The following SAGE1 variants were observed in gnomAD, a reference collection of about 807,000 sequenced individuals.
SAGE1 encodes cancer/testis antigen 14.
In SAGE1, 55 loss-of-function variants were observed where a neutral mutation model predicts 55.4. That is an observed-to-expected ratio of 0.99 (90% CI 0.80 to 1.24). The LOEUF (loss-of-function observed/expected upper bound fraction) is 1.24, where lower values mean the gene tolerates loss of function less well. Among genes scored for constraint, SAGE1 ranks in the 50% most tolerant of loss-of-function variants. SAGE1 has a pLI of 0.00. For synonymous variants in SAGE1, 240 were observed against 244.3 expected, an observed-to-expected ratio of 0.98 and a Z score of 0.17; for missense variants, 710 against 704.4, an observed-to-expected ratio of 1.01 and a Z score of -0.09.
At chrX:135,898,209 CG>C (rs781884173) in intron 2 of SAGE1, among the ~76,000 whole-genome samples, 18 of 110,279 alleles carry the variant, frequency 1.6e-4, no homozygotes, top group Admixed American at 6.8e-4. Context: ...TTAGTAGAGA[CG>C]GGGTTTCACC....
At chrX:135,905,728 G>A (rs1301468638) in intron 5 of SAGE1, among the ~76,000 whole-genome samples, 1 of 111,816 alleles carries the variant, frequency 8.9e-6, no homozygotes, top group Non-Finnish European at 1.9e-5. Context: ...TATTACAGCG[G>A]GGCTTATGAA....
rs2088583730 is a variant in SAGE1, at chrX:135,896,331, T to C, written c.87+2T>C. The C allele has an allele frequency of 8.7e-7, 1 of 1,153,566 alleles. No individual in the cohort carries two copies. Among genetic ancestry groups the C allele is most frequent in the African/African-American group, 1.8e-5 (1 of 56,281 alleles). ...TATGTGTTTACAAATGATGGGCAGG[T>C]AAGATAACTCTTTCTATTTCTGCCC... is the stretch of plus-strand genomic sequence containing the variant. On this transcript the variant is annotated splice_donor_variant, in intron 2 of 19. Transcript: ENST00000370709. LOFTEE classifies it high-confidence loss of function.
chrX:135,898,265 C>T (rs782055362), intron 2 of SAGE1, among the ~76,000 whole-genome samples: 5 of 111,100 alleles, frequency 4.5e-5, no homozygotes, highest in South Asian at 3.8e-4. Context: ...GTGATCCGCC[C>T]GCCTTGGCCT....
chrX:135,908,404 C>A, intron 11 of SAGE1, 73 bp from the exon 12 acceptor site: 1 of 1,102,983 alleles, frequency 9.1e-7, no homozygotes, highest in Non-Finnish European at 1.2e-6. Context: ...AACTGAGCAT[C>A]AGAGGGATAT....
intron 16 of SAGE1, among the ~76,000 whole-genome samples, 199 bp from the exon 17 acceptor site, chrX:135,910,993 T>G (rs1335203553): frequency 8.9e-6 from 1 of 112,186 alleles, no homozygotes; most frequent in African/African-American, 3.2e-5. Flanking sequence ...TCCATATGCA[T>G]GCATAGTGTC....
chrX:135,901,271 G>A (rs782807601), intron 2 of SAGE1, among the ~76,000 whole-genome samples: 5 of 110,349 alleles, frequency 4.5e-5, no homozygotes, highest in Non-Finnish European at 9.5e-5. Flanking sequence ...TATACCTTTG[G>A]ATGATGAAAG....
rs1210823244 is a variant in SAGE1, at chrX:135,911,794, AC to A, written c.2364del (p.Asn790ThrfsTer13). The A allele has an allele frequency of 1.7e-6, 2 of 1,208,894 alleles. No homozygotes were observed. Among genetic ancestry groups the A allele is most frequent in the Non-Finnish European group, 2.2e-6 (2 of 893,924 alleles). On this transcript the variant is annotated frameshift_variant, in exon 18 of 20. Transcript: ENST00000370709. LOFTEE classifies it high-confidence loss of function. The part of the protein sequence containing the change: ...KPDSNEFAVG[T>X]KNYSVSAGDP... ...TGATAGTAATGAATTTGCGGTAGGC[AC>A]CAAAAACTACAGTGTCTCTGCAGGT...
rs2088681585 is a variant in SAGE1, at chrX:135,901,633, G to A, written c.162G>A (p.Lys54=). 2 of 1,209,034 alleles carry A rather than the reference G, an allele frequency of 1.7e-6. No individual in the cohort carries two copies. The highest frequency in any genetic ancestry group is 2.2e-6 in the Non-Finnish European group (2 of 893,221). ...QSKKKHSRKS[K]RHSSSKRRKS... ...AAAAGAAACATTCCAGAAAATCCAA[G>A]AGACACTCTTCATCTAAGAGAAGGA... Residue 54 remains lysine, a synonymous_variant, in exon 3 of 20, where the codon AAG becomes AAA. Transcript: ENST00000370709.
At chrX:135,901,411 C>T (rs1239988375) in intron 2 of SAGE1, 148 bp from the exon 3 acceptor site, 6 of 534,247 alleles carry the variant, frequency 1.1e-5, no homozygotes, top group Middle Eastern at 6.1e-4. Flanking sequence ...CTGAGAGCAT[C>T]GTGTATGTTC....
At chrX:135,895,746 T>C (rs1556593129) in intron 1 of SAGE1, among the ~76,000 whole-genome samples, 1 of 112,183 alleles carries the variant, frequency 8.9e-6, no homozygotes, top group Non-Finnish European at 1.9e-5. Flanking sequence ...TTATAAATGA[T>C]GGGCAGGTAG....
intron 3 of SAGE1, among the ~76,000 whole-genome samples, chrX:135,902,312 A>C (rs2148079246): frequency 8.9e-6 from 1 of 111,961 alleles, no homozygotes; most frequent in South Asian, 3.8e-4. Flanking sequence ...CTTGCTCCTG[A>C]AATCCAGACT....
At chrX:135,894,692 T>C (rs376817945) in intron 1 of SAGE1, among the ~76,000 whole-genome samples, 1 of 109,277 alleles carries the variant, frequency 9.2e-6, no homozygotes, top group East Asian at 2.9e-4. Flanking sequence ...TTCTGCTTGC[T>C]TGTATTAAAT....
rs782761092 is a variant in SAGE1 at position 135,912,934 on chromosome X, T to A, written c.*37T>A. On this transcript the variant is annotated 3_prime_UTR_variant, in exon 20 of 20. Transcript: ENST00000370709. The stretch of plus-strand genomic sequence containing the variant: ...CAAAGACCAAGGAGAAACAAGGACA[T>A]ATGCTGTAGGATGGAACAGGTTATT... 5 of 951,759 alleles carry A rather than the reference T, an allele frequency of 5.3e-6. No individual in the cohort carries two copies. In the African/African-American group the frequency reaches 9.6e-5, roughly 18 times the overall value. The allele number at this position is 951,759 out of a possible 1,213,427, so 78.4% of individuals were successfully genotyped here.
At chrX:135,907,871 A>G (rs1556603044) in intron 10 of SAGE1, 30 bp downstream of exon 10, 1 of 1,186,601 alleles carries the variant, frequency 8.4e-7, no homozygotes, top group Non-Finnish European at 1.1e-6. Context: ...GTGGTGTCCT[A>G]CTTGGTTTCC....
chrX:135,900,995 T>C (rs1556596218), intron 2 of SAGE1, among the ~76,000 whole-genome samples: 1 of 107,575 alleles, frequency 9.3e-6, no homozygotes, highest in Non-Finnish European at 1.9e-5. Context: ...AAATACAAAA[T>C]AGCCGGGCGT....
rs150553796 is a variant in SAGE1, at chrX:135,908,099, C to A, written c.1170C>A (p.Ile390=). 28 of 1,207,985 alleles carry A rather than the reference C, an allele frequency of 2.3e-5. No individual in the cohort carries two copies. The African/African-American group carries it at 4.2e-4, about 18-fold the overall frequency. The change falls in exon 11 of 20, where the codon ATC becomes ATA. Residue 390 remains isoleucine, a synonymous_variant. Coordinates refer to ENST00000370709, the MANE Select transcript of SAGE1 (RefSeq NM_001381902.1). ...AMSTRDQHAT[I]IHNLREEKKD... is the part of the protein sequence containing the mutation. ...ACATTTGGTTTCCAGATGCTACCAT[C>A]ATTCACAATCTGCGTGAAGAGAAGA...
In SAGE1 at chrX:135,908,108, T is replaced by C. The variant is rs782617120; in HGVS notation, c.1179T>C (p.Asn393=). 1 of 1,210,417 alleles carries C rather than the reference T, an allele frequency of 8.3e-7. No homozygotes were observed. Among genetic ancestry groups the C allele is most frequent in the South Asian group, 1.8e-5 (1 of 56,873 alleles). ...TTCCAGATGCTACCATCATTCACAA[T>C]CTGCGTGAAGAGAAGAAAGATAACA... ...TRDQHATIIH[N]LREEKKDNSQ... The change falls in exon 11 of 20, where the codon AAT becomes AAC. Residue 393 remains asparagine (N), a synonymous_variant. Coordinates refer to ENST00000370709, the MANE Select transcript of SAGE1 (RefSeq NM_001381902.1).
In SAGE1 at chrX:135,901,646, T is replaced by C; in HGVS notation, c.175T>C (p.Ser59Pro). 1 of 1,209,389 alleles carries C rather than the reference T, an allele frequency of 8.3e-7. No individual in the cohort carries two copies. The highest frequency in any genetic ancestry group is 1.1e-6 in the Non-Finnish European group (1 of 893,777). ...CAGAAAATCCAAGAGACACTCTTCA[T>C]CTAAGAGAAGGAAGAGTATGTCCTC... is the stretch of plus-strand genomic sequence containing the variant. ...HSRKSKRHSS[S>P]KRRKSMSSWL... Residue 59 changes from serine (S) to proline (P), a missense_variant, in exon 3 of 20, where the codon TCT (serine) becomes CCT (proline). Transcript: ENST00000370709.
At chrX:135,905,435 A>T (rs1556600120) in intron 5 of SAGE1, 43 bp downstream of exon 5, 2 of 1,112,000 alleles carry the variant, frequency 1.8e-6, no homozygotes, top group Non-Finnish European at 2.4e-6. Context: ...TGTTTTCCAT[A>T]AGCATGGATA....
Sources: gnomAD v4.1 joint callset for allele counts (sites outside exome capture counted in the v4.1 genomes callset) on GRCh38, gnomAD v4.1.1 for gene constraint, MANE v1.5 for transcripts, NCBI Gene and HGNC (gene_info 2026-07-23, HGNC 2026-07-21) for gene names.